DTNBP1: variants seen among roughly 807,000 people sequenced by gnomAD.
The protein encoded by DTNBP1 is dystrobrevin binding protein 1, also known as dysbindin.
In DTNBP1, 35 loss-of-function variants were observed where a neutral mutation model predicts 42.8. That is an observed-to-expected ratio of 0.82 (90% CI 0.63 to 1.09). The LOEUF (loss-of-function observed/expected upper bound fraction) is 1.09, where lower values mean the gene tolerates loss of function less well. Ranked by LOEUF, DTNBP1 falls within the 50% of genes least tolerant of loss-of-function variation. The pLI is 0.00. For synonymous variants in DTNBP1, 171 were observed against 162.2 expected (o/e 1.05, Z -0.41); for missense variants, 457 against 424.2 (o/e 1.08, Z -0.68).
Position 15,587,028 on chromosome 6 carries a change from G to A in DTNBP1, c.511+6031C>T, listed in dbSNP as rs143446117. On this transcript the variant is annotated intron_variant, in intron 7 of 9. Transcript: ENST00000344537. The surrounding 1 kb of genome is among the most constrained non-coding windows in gnomAD (Gnocchi z 4.1). ...TTGTGGGCAACGTCATCCAAACCCC[G>A]GGCTTCCATTCCCACCTACATGCTG... Among the ~76,000 whole-genome samples the A allele has an allele frequency of 6.1e-4, 93 of 152,096 alleles. 1 individual carries two copies. Among genetic ancestry groups the A allele is most frequent in the Middle Eastern group, 3.4e-3 (1 of 294 alleles).
At chr6:15,622,218 A>G (rs901707372) in intron 5 of DTNBP1, among the ~76,000 whole-genome samples, 11 of 152,230 alleles carry the variant, frequency 7.2e-5, no homozygotes, top group African/African-American at 2.2e-4. Context: ...TGAGCAGAGA[A>G]CTTAGAAAAC....
chr6:15,529,274 C>T (rs1194925779), intron 8 of DTNBP1, among the ~76,000 whole-genome samples: 1 of 152,134 alleles, frequency 6.6e-6, no homozygotes, highest in Non-Finnish European at 1.5e-5. Context: ...GACAGTGAGA[C>T]TCCATCCTAA....
intron 6 of DTNBP1, among the ~76,000 whole-genome samples, chr6:15,606,674 T>G (rs1185758305): frequency 6.6e-6 from 1 of 152,194 alleles, no homozygotes; most frequent in South Asian, 2.1e-4. Context: ...CTGGCCCGGA[T>G]TTTTGGGAAA....
intron 4 of DTNBP1, among the ~76,000 whole-genome samples, chr6:15,634,142 TC>T: frequency 6.6e-6 from 1 of 151,208 alleles, no homozygotes; most frequent in East Asian, 1.9e-4. Context: ...AGACTTTTCC[TC>T]GTCTTTCAAA....
In DTNBP1 at chr6:15,522,839, CTTTAAG is replaced by C. The variant is rs1232598950; in HGVS notation, c.*130_*135del. The C allele has an allele frequency of 4.7e-6, 7 of 1,477,524 alleles. No homozygotes were observed. The highest frequency in any genetic ancestry group is 3.4e-5 in the Admixed American group (2 of 58,454). 91.5% of individuals were successfully genotyped at this position (1,477,524 alleles called of 1,614,324 possible). ...TCCTCACACTTTATTGTTAGCTGTT[CTTTAAG>C]TTTCTCACACATTATTGGCAATTAT... On this transcript the variant is annotated 3_prime_UTR_variant, in exon 10 of 10. Coordinates refer to ENST00000344537, the MANE Select transcript of DTNBP1 (RefSeq NM_032122.5).
chr6:15,624,675 G>C (rs1378901315), intron 5 of DTNBP1, among the ~76,000 whole-genome samples: 1 of 152,180 alleles, frequency 6.6e-6, no homozygotes, highest in Non-Finnish European at 1.5e-5. Context: ...AAAGAAGTTA[G>C]GGGGACCCTG....
At chr6:15,638,840 T>C (rs1581423643) in intron 3 of DTNBP1, among the ~76,000 whole-genome samples, 1 of 19,124 alleles carries the variant, frequency 5.2e-5, no homozygotes, top group Non-Finnish European at 1.1e-4. Context: ...GGCCAGTACT[T>C]TTTTTTTTTT....
chr6:15,535,327 T>C (rs1449633892), intron 7 of DTNBP1, among the ~76,000 whole-genome samples: 1 of 152,102 alleles, frequency 6.6e-6, no homozygotes, highest in Non-Finnish European at 1.5e-5. Flanking sequence ...CCTATTTTTT[T>C]TGAGACAGAG....
At chr6:15,624,717 TAA>T (rs1759241651) in intron 5 of DTNBP1, among the ~76,000 whole-genome samples, 1 of 152,220 alleles carries the variant, frequency 6.6e-6, no homozygotes, top group Admixed American at 6.5e-5. Context: ...CATTTTCTTC[TAA>T]GTTTGTTTTT....
chr6:15,601,375 G>A (rs1010821928), intron 6 of DTNBP1, among the ~76,000 whole-genome samples: 1 of 152,110 alleles, frequency 6.6e-6, no homozygotes, highest in South Asian at 2.1e-4. Flanking sequence ...GTAAAATCGT[G>A]TTTTAACTTT....
At chr6:15,593,803 A>G (rs937554157) in intron 6 of DTNBP1, among the ~76,000 whole-genome samples, 3 of 152,220 alleles carry the variant, frequency 2.0e-5, no homozygotes, top group Admixed American at 2.0e-4. Flanking sequence ...ATCAGTACTA[A>G]TGAGTAATTT....
At position 15,662,686 on chromosome 6, in the gene DTNBP1, G is replaced by C. The variant is rs1761718622; in HGVS notation, c.56+128C>G. ...GGAAGTTCGTTACTTTCCTCGGCGG[G>C]GCGGGGCGGGGAGGTGCGGGACAGG... On this transcript the variant is annotated intron_variant, in intron 1 of 9. Coordinates refer to ENST00000344537, the MANE Select transcript of DTNBP1 (RefSeq NM_032122.5). 3.1e-6 allele frequency: 4 copies of C among 1,306,372 alleles called. No homozygotes were observed. In the Admixed American group the frequency reaches 8.2e-5, roughly 27 times the overall value. The allele number at this position is 1,306,372 out of a possible 1,614,324, so 80.9% of individuals were successfully genotyped here. A position where few individuals can be genotyped will look rare whatever the true frequency, so the allele number is the denominator to read the frequency against.
At position 15,645,180 on chromosome 6, in the gene DTNBP1, AGG is replaced by A. The variant is rs1165485250; in HGVS notation, c.161+6131_161+6132del. Among the ~76,000 whole-genome samples the A allele has an allele frequency of 6.4e-4, 98 of 152,222 alleles. 1 individual carries two copies. Among genetic ancestry groups the A allele is most frequent in the Middle Eastern group, 3.4e-3 (1 of 294 alleles). On this transcript the variant is annotated intron_variant, in intron 3 of 9. Coordinates refer to ENST00000344537, the MANE Select transcript of DTNBP1 (RefSeq NM_032122.5). ...TATGTGCACAAATTAGAAGACCTAG[AGG>A]AAATGGATTAATTCCTAGAAACACA...
At chr6:15,524,483 C>CT (rs1772211193) in intron 9 of DTNBP1, 43 bp downstream of exon 9, 1 of 1,611,672 alleles carries the variant, frequency 6.2e-7, no homozygotes. Context: ...GGAGTGGCAT[C>CT]GATACTGCCC....
chr6:15,585,949 A>G lies in DTNBP1; in HGVS notation c.511+7110T>C. 3 of 1,351,406 alleles carry G rather than the reference A, an allele frequency of 2.2e-6. No homozygotes were observed. In the East Asian group the frequency reaches 7.9e-5, roughly 35 times the overall value. The allele number at this position is 1,351,406 out of a possible 1,614,324, so 83.7% of individuals were successfully genotyped here. A position where few individuals can be genotyped will look rare whatever the true frequency, so the allele number is the denominator to read the frequency against. ...AGTTTTTTGCTGATGGCTTAAGCAG[A>G]TATACATTGGAATCTACTGCCTCTA... On this transcript the variant is annotated intron_variant, in intron 7 of 9. Coordinates refer to ENST00000344537, the MANE Select transcript of DTNBP1 (RefSeq NM_032122.5).
chr6:15,621,224 T>C (rs1193458179), intron 5 of DTNBP1, among the ~76,000 whole-genome samples: 2 of 152,256 alleles, frequency 1.3e-5, no homozygotes, highest in Non-Finnish European at 2.9e-5. Context: ...AAAGAAACTA[T>C]GTAATGGAGC....
chr6:15,600,019 T>C (rs1448509249), intron 6 of DTNBP1, among the ~76,000 whole-genome samples: 1 of 152,130 alleles, frequency 6.6e-6, no homozygotes, highest in African/African-American at 2.4e-5. Context: ...TGTTGCCATT[T>C]ATAGCTGATA....
intron 7 of DTNBP1, among the ~76,000 whole-genome samples, chr6:15,561,447 A>C (rs1223762454): frequency 6.6e-6 from 1 of 152,116 alleles, no homozygotes; most frequent in Non-Finnish European, 1.5e-5. Flanking sequence ...TCCAAATATC[A>C]CCTTTGGTCA....
intron 6 of DTNBP1, among the ~76,000 whole-genome samples, chr6:15,603,307 C>T (rs1191045383): frequency 1.3e-5 from 2 of 152,142 alleles, no homozygotes; most frequent in African/African-American, 4.8e-5. Flanking sequence ...TGTCAATTTA[C>T]TTTCAATTAA....
Sources: gnomAD v4.1 joint callset for allele counts (sites outside exome capture counted in the v4.1 genomes callset) on GRCh38, gnomAD v4.1.1 for gene constraint, Gnocchi (gnomAD v3.1) non-coding constraint, MANE v1.5 for transcripts, NCBI Gene and HGNC (gene_info 2026-07-23, HGNC 2026-07-21) for gene names.